KAT7: variants seen among roughly 807,000 people sequenced by gnomAD.
The protein encoded by KAT7 is lysine acetyltransferase 7, also known as histone acetyltransferase KAT7.
A neutral mutation model predicts 82.1 loss-of-function variants in KAT7; 10 were observed. That is an observed-to-expected ratio of 0.12 (90% confidence interval 0.08 to 0.21). The LOEUF is 0.21. Among genes scored for constraint, KAT7 ranks in the 10% least tolerant of loss-of-function variants. The pLI, the probability that KAT7 is intolerant of heterozygous loss-of-function variation, is 1.00. For synonymous variants in KAT7, 250 were observed against 262.5 expected (o/e 0.95, Z 0.46); for missense variants, 378 against 760.9 (o/e 0.50, Z 5.92).
At chr17:49,818,846 C>A (rs990669358) in intron 9 of KAT7, among the ~76,000 whole-genome samples, 3 of 151,890 alleles carry the variant, frequency 2.0e-5, no homozygotes, top group African/African-American at 7.3e-5. Context: ...TCAAACGATT[C>A]TCCTGCCTCA....
chr17:49,827,517 C>G lies in KAT7; in HGVS notation c.*15C>G, dbSNP rs750579143. The G allele has an allele frequency of 2.7e-6, 4 of 1,488,008 alleles. 1 individual carries two copies. In the South Asian group the frequency reaches 4.5e-5, roughly 17 times the overall value. The allele number at this position is 1,488,008 out of a possible 1,614,324, so 92.2% of individuals were successfully genotyped here. A position where few individuals can be genotyped will look rare whatever the true frequency, so the allele number is the denominator to read the frequency against. On this transcript the variant is annotated 3_prime_UTR_variant, in exon 15 of 15. Coordinates refer to ENST00000259021, the MANE Select transcript of KAT7 (RefSeq NM_007067.5). ...AGGGCACTTAAAGTGACCTGTCATT[C>G]CGAGCCAGCGAACCCCAGCAGTAGG...
rs1402875724 is a variant in KAT7 at position 49,828,988 on chromosome 17, G to C, written c.*1486G>C. 1 of 152,674 alleles carries C rather than the reference G, an allele frequency of 6.5e-6. No homozygotes were observed. Among genetic ancestry groups the C allele is most frequent in the Admixed American group, 6.5e-5 (1 of 15,270 alleles). 9.5% of individuals were successfully genotyped at this position (152,674 alleles called of 1,614,324 possible). A position where few individuals can be genotyped will look rare whatever the true frequency, so the allele number is the denominator to read the frequency against. ...ATTTATCAAAAAGCAACTTCACTAG[G>C]GGTTTTCTTAAGGGATAAAGGCCTT... On this transcript the variant is annotated 3_prime_UTR_variant, in exon 15 of 15. Transcript: ENST00000259021.
chr17:49,826,913 C>T, intron 14 of KAT7, 114 bp downstream of exon 14: 1 of 636,342 alleles, frequency 1.6e-6, no homozygotes, highest in East Asian at 2.9e-5. Context: ...GGCTACACGC[C>T]CCTTTTACTG....
intron 4 of KAT7, 83 bp downstream of exon 4, chr17:49,798,641 G>A (rs755242442): frequency 3.5e-6 from 5 of 1,434,862 alleles, no homozygotes; most frequent in Non-Finnish European, 4.7e-6. Flanking sequence ...GTGTTCTGTT[G>A]GGATTTAGCT....
rs1462272523 is a variant in KAT7, at chr17:49,832,710, T to G, written c.*5208T>G. 2 of 152,256 alleles carry G rather than the reference T, an allele frequency of 1.3e-5. No individual in the cohort carries two copies. The highest frequency in any genetic ancestry group is 1.3e-4 in the Admixed American group (2 of 15,284). 9.4% of individuals were successfully genotyped at this position (152,256 alleles called of 1,614,324 possible). A position where few individuals can be genotyped will look rare whatever the true frequency, so the allele number is the denominator to read the frequency against. On this transcript the variant is annotated 3_prime_UTR_variant, in exon 15 of 15. Coordinates refer to ENST00000259021, the MANE Select transcript of KAT7 (RefSeq NM_007067.5). Reference sequence around the variant, plus strand: ...GGGAGAAGGCCTGGCTCACTGAGGCTCTCAGCATTAGTTTCCTCTACCTCT... The same window carrying G: ...GGGAGAAGGCCTGGCTCACTGAGGCGCTCAGCATTAGTTTCCTCTACCTCT...
chr17:49,809,233 C>T (rs985045886), intron 6 of KAT7, 25 bp downstream of exon 6: 10 of 1,574,560 alleles, frequency 6.4e-6, no homozygotes, highest in East Asian at 2.2e-5. Flanking sequence ...AAAGCACTGG[C>T]CATTCATAGT....
intron 2 of KAT7, chr17:49,795,649 A>G: frequency 4.1e-6 from 1 of 245,748 alleles, no homozygotes; most frequent in South Asian, 7.1e-5. Flanking sequence ...GAACAAAAGT[A>G]AGAAGACCAA....
In KAT7 at chr17:49,830,668, T is replaced by C. The variant is rs2074418088; in HGVS notation, c.*3166T>C. 1 of 152,242 alleles carries C rather than the reference T, an allele frequency of 6.6e-6. No homozygotes were observed. Among genetic ancestry groups the C allele is most frequent in the East Asian group, 1.9e-4 (1 of 5,198 alleles). 9.4% of individuals were successfully genotyped at this position (152,242 alleles called of 1,614,324 possible). ...TCATTTGACCCTCATATTAGCCCTG[T>C]ACAGTAGATGGGTACACTGGTTTGC... On this transcript the variant is annotated 3_prime_UTR_variant, in exon 15 of 15. Coordinates refer to ENST00000259021, the MANE Select transcript of KAT7 (RefSeq NM_007067.5).
At chr17:49,812,159 T>C (rs537074812) in intron 7 of KAT7, among the ~76,000 whole-genome samples, 1 of 152,262 alleles carries the variant, frequency 6.6e-6, no homozygotes, top group South Asian at 2.1e-4. Flanking sequence ...TCCTAGCTTT[T>C]TCACAATCTC....
At chr17:49,811,620 C>A in intron 7 of KAT7, 46 bp downstream of exon 7, 3 of 960,670 alleles carry the variant, frequency 3.1e-6, no homozygotes, top group East Asian at 2.8e-5. Context: ...CCTGCTATCA[C>A]ATTTGATTCC....
chr17:49,808,063 G>C (rs2143911529), intron 5 of KAT7, among the ~76,000 whole-genome samples: 1 of 150,704 alleles, frequency 6.6e-6, no homozygotes, highest in Non-Finnish European at 1.5e-5. Flanking sequence ...GATGTGATTT[G>C]TCTGAGGTCA....
chr17:49,796,441 C>T (rs1245991894), intron 2 of KAT7, among the ~76,000 whole-genome samples: 1 of 152,182 alleles, frequency 6.6e-6, no homozygotes, highest in Non-Finnish European at 1.5e-5. Flanking sequence ...TTCAATAGGT[C>T]AGGAAACAGG....
chr17:49,820,824 C>G (rs1454995297), intron 9 of KAT7, among the ~76,000 whole-genome samples: 1 of 145,190 alleles, frequency 6.9e-6, no homozygotes, highest in African/African-American at 2.6e-5. Context: ...AGGGAATGCA[C>G]TTGCAGGGGA....
intron 5 of KAT7, among the ~76,000 whole-genome samples, chr17:49,808,120 C>CTTTTTTTTTT (rs71146937): frequency 8.9e-6 from 1 of 112,820 alleles, no homozygotes; most frequent in African/African-American, 3.4e-5. Context: ...CCCAGGTTTT[C>CTTTTTTTTTT]TTTTTTTTTT....
At chr17:49,793,214 C>A (rs540851055) in intron 2 of KAT7, among the ~76,000 whole-genome samples, 1 of 152,206 alleles carries the variant, frequency 6.6e-6, no homozygotes, top group Non-Finnish European at 1.5e-5. Flanking sequence ...CTTGGACTTA[C>A]TCTTGGCAGA....
intron 14 of KAT7, chr17:49,827,169 A>G (rs1164276872): frequency 1.7e-5 from 9 of 523,212 alleles, no homozygotes; most frequent in Middle Eastern, 3.7e-4. Context: ...ATTATTTCAT[A>G]TATACAATAA....
chr17:49,797,781 C>T (rs977430068), intron 3 of KAT7, among the ~76,000 whole-genome samples: 1 of 152,188 alleles, frequency 6.6e-6, no homozygotes, highest in East Asian at 1.9e-4. Context: ...GTAGTTGTCC[C>T]CTTTAGATGG....
intron 4 of KAT7, among the ~76,000 whole-genome samples, chr17:49,802,065 T>TTGGA (rs1247768535): frequency 6.6e-6 from 1 of 152,228 alleles, no homozygotes; most frequent in Non-Finnish European, 1.5e-5. Flanking sequence ...GTTGTACATC[T>TTGGA]TGGATATTTG....
chr17:49,828,012 T>A lies in KAT7; in HGVS notation c.*510T>A, dbSNP rs552657452. On this transcript the variant is annotated 3_prime_UTR_variant, in exon 15 of 15. Coordinates refer to ENST00000259021, the MANE Select transcript of KAT7 (RefSeq NM_007067.5). ...TGGCAGGGGGTCCATTCACTTTGGG[T>A]TCCATCTTGCTTTAAATTTCTTCAT... The A allele has an allele frequency of 6.5e-6, 1 of 154,184 alleles. No homozygotes were observed. The highest frequency in any genetic ancestry group is 2.4e-5 in the African/African-American group (1 of 41,594). The allele number at this position is 154,184 out of a possible 1,614,324, so 9.6% of individuals were successfully genotyped here. A position where few individuals can be genotyped will look rare whatever the true frequency, so the allele number is the denominator to read the frequency against.
Sources: allele counts gnomAD v4.1 joint callset (sites outside exome capture counted in the v4.1 genomes callset), GRCh38; gene constraint gnomAD v4.1.1; transcripts MANE v1.5; gene names NCBI Gene and HGNC (gene_info 2026-07-23, HGNC 2026-07-21).